The following PRKN variants were observed in gnomAD, a reference collection of about 807,000 sequenced individuals.
PRKN encodes E3 ubiquitin-protein ligase parkin.
A neutral mutation model predicts 59.5 loss-of-function variants in PRKN; 56 were observed. The observed-to-expected ratio is 0.94, with a 90% CI of 0.76 to 1.18. The LOEUF (loss-of-function observed/expected upper bound fraction) is 1.18, where lower values mean the gene tolerates loss of function less well. Ranked by LOEUF, PRKN falls within the 50% of genes most tolerant of loss-of-function variation. PRKN has a pLI of 0.00. For missense variants in PRKN, 657 were observed against 596.4 expected, an observed-to-expected ratio of 1.10 and a Z score of -1.06; for synonymous variants, 250 against 222.1, an observed-to-expected ratio of 1.13 and a Z score of -1.12.
At chr6:161,374,063 A>G (rs1267851257) in intron 10 of PRKN, among the ~76,000 whole-genome samples, 1 of 152,124 alleles carries the variant, frequency 6.6e-6, no homozygotes, top group Non-Finnish European at 1.5e-5. Flanking sequence ...GGTGCATCAG[A>G]GGCGCACTGC....
intron 5 of PRKN, among the ~76,000 whole-genome samples, chr6:161,984,068 C>T (rs1781346256): frequency 6.6e-6 from 1 of 152,006 alleles, no homozygotes; most frequent in African/African-American, 2.4e-5. Flanking sequence ...CAGGGGTGAA[C>T]AGGCAGCTCT....
At chr6:162,208,230 G>C (rs945670227) in intron 3 of PRKN, among the ~76,000 whole-genome samples, 3 of 152,124 alleles carry the variant, frequency 2.0e-5, no homozygotes, top group Non-Finnish European at 4.4e-5. Context: ...CAAACTGCCT[G>C]TTCCATGCTT....
chr6:162,005,643 G>C (rs1055984829), intron 5 of PRKN, among the ~76,000 whole-genome samples: 2 of 151,930 alleles, frequency 1.3e-5, no homozygotes, highest in Non-Finnish European at 2.9e-5. Flanking sequence ...AGAATGCCTC[G>C]GGCTAGAGAG....
intron 7 of PRKN, among the ~76,000 whole-genome samples, chr6:161,691,767 C>T (rs931836180): frequency 3.3e-5 from 5 of 152,146 alleles, no homozygotes; most frequent in African/African-American, 1.2e-4. Flanking sequence ...AGAGCTGAAA[C>T]AAGAAGGCAG....
At chr6:161,810,625 T>A (rs1791520591) in intron 6 of PRKN, among the ~76,000 whole-genome samples, 1 of 152,208 alleles carries the variant, frequency 6.6e-6, no homozygotes, top group Non-Finnish European at 1.5e-5. Context: ...GGCTGCTAAC[T>A]GTAGGAGTGA....
chr6:162,125,774 T>C (rs963496960), intron 4 of PRKN, among the ~76,000 whole-genome samples: 1 of 152,188 alleles, frequency 6.6e-6, no homozygotes, highest in Non-Finnish European at 1.5e-5. Flanking sequence ...TTAAAGATGA[T>C]ACATGGCAGG....
chr6:161,972,362 C>T (rs377612638), intron 6 of PRKN, among the ~76,000 whole-genome samples: 4 of 151,764 alleles, frequency 2.6e-5, no homozygotes, highest in South Asian at 4.2e-4. Context: ...CTTCAAAGAA[C>T]ATGTAACGAA....
intron 1 of PRKN, among the ~76,000 whole-genome samples, chr6:162,646,128 T>G (rs1229550154): frequency 6.6e-6 from 1 of 151,992 alleles, no homozygotes; most frequent in African/African-American, 2.4e-5. Context: ...CGCCTCGGCC[T>G]CCCAAAGTGC....
intron 1 of PRKN, among the ~76,000 whole-genome samples, chr6:162,612,192 CAAAAAAA>C (rs796515239): frequency 3.1e-5 from 2 of 64,876 alleles, no homozygotes; most frequent in Non-Finnish European, 5.5e-5. Flanking sequence ...GACTCCATCT[CAAAAAAA>C]AAAAAAAAAA....
chr6:161,664,777 C>T, intron 7 of PRKN, among the ~76,000 whole-genome samples: 1 of 146,340 alleles, frequency 6.8e-6, no homozygotes, highest in East Asian at 2.1e-4. Context: ...TTATTAAAAA[C>T]AACAACTGAC....
At chr6:162,164,726 C>T (rs1782906180) in intron 4 of PRKN, among the ~76,000 whole-genome samples, 2 of 148,864 alleles carry the variant, frequency 1.3e-5, no homozygotes, top group South Asian at 4.2e-4. Flanking sequence ...AGCCTATGTG[C>T]CATCTAAAAT....
chr6:161,870,735 C>T (rs9295174), intron 6 of PRKN, among the ~76,000 whole-genome samples: 49,077 of 151,986 alleles, frequency 0.32, 8,214 homozygotes, highest in African/African-American at 0.4. Context: ...GGATTAATTA[C>T]TGACCATATA....
At chr6:161,612,718 CA>C (rs57084261) in intron 7 of PRKN, among the ~76,000 whole-genome samples, 2,370 of 59,630 alleles carry the variant, frequency 0.04, 17 homozygotes, top group East Asian at 0.12. Context: ...GACTCCATCT[CA>C]AAAAAAAAAA....
chr6:162,186,182 T>C (rs1384440432), intron 4 of PRKN, among the ~76,000 whole-genome samples: 2 of 152,150 alleles, frequency 1.3e-5, no homozygotes, highest in Non-Finnish European at 2.9e-5. Flanking sequence ...GAAAAGCTTA[T>C]GTAATAGAAT....
intron 1 of PRKN, among the ~76,000 whole-genome samples, chr6:162,460,140 A>T (rs1562781365): frequency 6.6e-6 from 1 of 152,240 alleles, no homozygotes; most frequent in Non-Finnish European, 1.5e-5. Flanking sequence ...AACCAATGAT[A>T]TATGCATGTG....
intron 1 of PRKN, among the ~76,000 whole-genome samples, chr6:162,510,327 G>A (rs1055113269): frequency 2.6e-4 from 39 of 152,312 alleles, no homozygotes; most frequent in Admixed American, 3.3e-4. Context: ...ATGAATTCAT[G>A]CCACAGAACT....
intron 10 of PRKN, among the ~76,000 whole-genome samples, chr6:161,364,435 G>A (rs1404512782): frequency 2.4e-5 from 3 of 122,592 alleles, no homozygotes; most frequent in African/African-American, 1.0e-4. Context: ...TCCAGCCTGG[G>A]CAACAGAACG....
At chr6:161,654,889 C>T (rs1340549109) in intron 7 of PRKN, among the ~76,000 whole-genome samples, 1 of 152,200 alleles carries the variant, frequency 6.6e-6, no homozygotes, top group Non-Finnish European at 1.5e-5. Context: ...TCTAGGAGTG[C>T]AGCCTTGCCC....
chr6:162,010,255 TATATATTTTATATATATTATGTATGATAA>T (rs1303985052), intron 5 of PRKN, among the ~76,000 whole-genome samples: 2 of 124,406 alleles, frequency 1.6e-5, no homozygotes, highest in Non-Finnish European at 3.3e-5. Context: ...TTATACATAA[TATATATTTTATATATATTATGTATGATAA>T]ATATATTTTA....
Sources: allele counts gnomAD v4.1 joint callset (sites outside exome capture counted in the v4.1 genomes callset), GRCh38; gene constraint gnomAD v4.1.1; transcripts MANE v1.5; gene names NCBI Gene and HGNC (gene_info 2026-07-23, HGNC 2026-07-21).